The following GALNT14 variants were observed in gnomAD, a reference collection of about 807,000 sequenced individuals.
GALNT14 encodes UDP-GalNAc:polypeptide N-acetylgalactosaminyltransferase 14.
In GALNT14, 60 loss-of-function variants were observed where a neutral mutation model predicts 77.5. The ratio of observed to expected loss-of-function variants is 0.77; its 90% CI spans 0.63 to 0.96. The LOEUF is 0.96. Ranked by LOEUF, GALNT14 falls within the 40% of genes least tolerant of loss-of-function variation. The probability of loss-of-function intolerance (pLI) is 0.00; values close to 1 mark genes in which losing one functional copy is unlikely to be tolerated. For synonymous variants in GALNT14, 280 were observed against 281.7 expected (o/e 0.99, Z 0.06); for missense variants, 710 against 731.0 (o/e 0.97, Z 0.33).
intron 2 of GALNT14, among the ~76,000 whole-genome samples, chr2:30,979,446 C>T (rs1862972): frequency 0.3 from 45,748 of 151,854 alleles, 8,946 homozygotes; most frequent in East Asian, 0.56. Context: ...TACATGATGC[C>T]ACCTTATGAG....
Position 30,992,879 on chromosome 2 carries a change from C to A in GALNT14, c.258G>T (p.Arg86=), listed in dbSNP as rs1483022339. ...CCGGGATGGCCCGATTGCTGGAGATCCGCTCACTCTCCCGCTGGTTGAAAG... is the reference window on the plus strand; with the variant it reads ...CCGGGATGGCCCGATTGCTGGAGATACGCTCACTCTCCCGCTGGTTGAAAG... ...LYAFNQRESE[R]ISSNRAIPDT... The change falls in exon 2 of 15, where the codon CGG becomes CGT. Residue 86 remains arginine (R), a synonymous_variant. Coordinates refer to ENST00000349752, the MANE Select transcript of GALNT14 (RefSeq NM_024572.4). The A allele has an allele frequency of 1.2e-6, 2 of 1,614,060 alleles. No individual in the cohort carries two copies. The highest frequency in any genetic ancestry group is 2.2e-5 in the South Asian group (2 of 91,088).
At chr2:31,041,170 A>G (rs12464083) in intron 1 of GALNT14, among the ~76,000 whole-genome samples, 54,581 of 151,858 alleles carry the variant, frequency 0.36, 9,944 homozygotes, top group Admixed American at 0.46. Flanking sequence ...TTTATGAAGC[A>G]CTCACTGCAG....
At chr2:31,117,892 A>T (rs1025628491) in intron 1 of GALNT14, among the ~76,000 whole-genome samples, 1 of 152,204 alleles carries the variant, frequency 6.6e-6, no homozygotes. Flanking sequence ...TGGCCCTGCC[A>T]TCCCTAGAGT....
At chr2:31,130,810 G>A (rs1678959249) in intron 1 of GALNT14, among the ~76,000 whole-genome samples, 1 of 151,862 alleles carries the variant, frequency 6.6e-6, no homozygotes, top group South Asian at 2.1e-4. Flanking sequence ...GTGTGCCTGT[G>A]TGTGTATATG....
chr2:30,994,565 T>C (rs548349741), intron 1 of GALNT14, among the ~76,000 whole-genome samples: 27 of 152,232 alleles, frequency 1.8e-4, no homozygotes, highest in Non-Finnish European at 3.5e-4. Flanking sequence ...ATTTTATTAA[T>C]GTCCTGTGAT....
chr2:31,054,623 T>C (rs983310576), intron 1 of GALNT14, among the ~76,000 whole-genome samples: 4 of 152,212 alleles, frequency 2.6e-5, no homozygotes, highest in African/African-American at 9.6e-5. Flanking sequence ...TCCCAACCTC[T>C]AGGGGCCCTT....
At chr2:31,117,603 T>C (rs1235150960) in intron 1 of GALNT14, among the ~76,000 whole-genome samples, 5 of 152,164 alleles carry the variant, frequency 3.3e-5, no homozygotes, top group African/African-American at 9.7e-5. Flanking sequence ...ACCATAGGTG[T>C]AGAACACAGA....
rs1340214281 is a variant in GALNT14 at position 30,932,086 on chromosome 2, T to C, written c.1040A>G (p.Asn347Ser). The C allele has an allele frequency of 3.2e-6, 5 of 1,571,974 alleles. No homozygotes were observed. Among genetic ancestry groups the C allele is most frequent in the Admixed American group, 3.7e-5 (2 of 54,724 alleles). The change falls in exon 10 of 15, where the codon AAT (asparagine) becomes AGT (serine). Residue 347 changes from asparagine to serine, a missense_variant. Transcript: ENST00000349752. Reference protein sequence around the residue: ...KKHPYVFPDGNANTYIKNTKR... With the variant: ...KKHPYVFPDGSANTYIKNTKR... ...CACTTACTTTATATACGTGTTGGCA[T>C]TTCCATCAGGGAAAACGTAGGGGTG...
At chr2:30,925,437 C>T (rs1665313591) in intron 11 of GALNT14, among the ~76,000 whole-genome samples, 1 of 152,182 alleles carries the variant, frequency 6.6e-6, no homozygotes, top group African/African-American at 2.4e-5. Flanking sequence ...GGGAACAACT[C>T]AGAGGGGGAC....
rs552383139 is a variant in GALNT14, at chr2:30,931,973, C to G, written c.1058+95G>C. 7.8e-6 allele frequency: 10 copies of G among 1,281,960 alleles called. No individual in the cohort carries two copies. The South Asian group carries it at 1.6e-4, about 20-fold the overall frequency. 79.4% of individuals were successfully genotyped at this position (1,281,960 alleles called of 1,614,324 possible). A position where few individuals can be genotyped will look rare whatever the true frequency, so the allele number is the denominator to read the frequency against. On this transcript the variant is annotated intron_variant, in intron 10 of 14. Transcript: ENST00000349752. Reference sequence around the variant, plus strand: ...AGTTCAAATCACACAGGCAGCCTAACAGAGCACCAGGGACGGCTGCAACCC... The same window carrying G: ...AGTTCAAATCACACAGGCAGCCTAAGAGAGCACCAGGGACGGCTGCAACCC...
intron 1 of GALNT14, among the ~76,000 whole-genome samples, chr2:31,082,953 G>C (rs1294139179): frequency 1.3e-5 from 2 of 152,150 alleles, no homozygotes; most frequent in Non-Finnish European, 2.9e-5. Context: ...GGGAGGCGGA[G>C]GTTGCAGTGA....
intron 13 of GALNT14, among the ~76,000 whole-genome samples, chr2:30,916,620 G>A (rs1166072094): frequency 6.6e-6 from 1 of 150,436 alleles, no homozygotes; most frequent in African/African-American, 2.5e-5. Context: ...GGCCACTGCT[G>A]GTGGGAGCAG....
At chr2:30,936,295 G>C (rs1390131086) in intron 9 of GALNT14, among the ~76,000 whole-genome samples, 1 of 152,024 alleles carries the variant, frequency 6.6e-6, no homozygotes, top group Non-Finnish European at 1.5e-5. Flanking sequence ...TGGATGGTGG[G>C]CAGGAATTCA....
At chr2:31,103,635 A>G (rs572914068) in intron 1 of GALNT14, among the ~76,000 whole-genome samples, 1 of 152,224 alleles carries the variant, frequency 6.6e-6, no homozygotes, top group South Asian at 2.1e-4. Context: ...TGCTTATATT[A>G]CTTCATTTGT....
At chr2:30,993,519 G>C (rs1219351059) in intron 1 of GALNT14, among the ~76,000 whole-genome samples, 2 of 152,232 alleles carry the variant, frequency 1.3e-5, no homozygotes, top group East Asian at 1.9e-4. Context: ...TGCTGTAGAA[G>C]GGCCAGCGAT....
At chr2:30,929,292 G>A in intron 11 of GALNT14, 103 bp downstream of exon 11, 1 of 787,602 alleles carries the variant, frequency 1.3e-6, no homozygotes. Flanking sequence ...TGCGGGAGCT[G>A]AGGGTAGCTA....
At chr2:30,929,236 G>T (rs1220674016) in intron 11 of GALNT14, among the ~76,000 whole-genome samples, 159 bp downstream of exon 11, 1 of 152,212 alleles carries the variant, frequency 6.6e-6, no homozygotes, top group Admixed American at 6.5e-5. Flanking sequence ...ATCCAGAGCT[G>T]GGCAGGAGCT....
At chr2:31,051,639 GCT>G (rs1673875838) in intron 1 of GALNT14, among the ~76,000 whole-genome samples, 1 of 152,112 alleles carries the variant, frequency 6.6e-6, no homozygotes, top group Non-Finnish European at 1.5e-5. Context: ...TCTCATACTG[GCT>G]CTGTTTCTTT....
chr2:31,131,631 T>C lies in GALNT14; in HGVS notation c.129+6327A>G, dbSNP rs76178968. 3.3e-3 allele frequency among the ~76,000 whole-genome samples: 497 copies of C among 152,236 alleles called. 1 individual carries two copies. Among genetic ancestry groups the C allele is most frequent in the African/African-American group, 0.011 (471 of 41,554 alleles). Reference sequence around the variant, plus strand: ...TGGTTCCTGGGTGTCTGACAATGAATAAGACCACTTCAGAAAGCTGGGATG... The same window carrying C: ...TGGTTCCTGGGTGTCTGACAATGAACAAGACCACTTCAGAAAGCTGGGATG... On this transcript the variant is annotated intron_variant, in intron 1 of 14. Coordinates refer to ENST00000349752, the MANE Select transcript of GALNT14 (RefSeq NM_024572.4).
Sources: allele counts gnomAD v4.1 joint callset (sites outside exome capture counted in the v4.1 genomes callset), GRCh38; gene constraint gnomAD v4.1.1; transcripts MANE v1.5; gene names NCBI Gene and HGNC (gene_info 2026-07-23, HGNC 2026-07-21).